Variants in GLIS3 observed in about 807,000 individuals in gnomAD.
The protein encoded by GLIS3 is GLIS family zinc finger 3, also known as zinc finger protein GLIS3.
GLIS3 carries 53 observed loss-of-function variants against 78.6 expected under a neutral mutation model. The ratio of observed to expected loss-of-function variants is 0.67; its 90% CI spans 0.54 to 0.85. The LOEUF (loss-of-function observed/expected upper bound fraction) is 0.85, where lower values mean the gene tolerates loss of function less well. Ranked by LOEUF, GLIS3 falls within the 40% of genes least tolerant of loss-of-function variation. The pLI, the probability that GLIS3 is intolerant of heterozygous loss-of-function variation, is 0.00. For missense variants in GLIS3, 1,703 were observed against 1,231.1 expected (o/e 1.38, Z -5.74); for synonymous variants, 684 against 509.9 (o/e 1.34, Z -4.60).
the GLIS3 span, among the ~76,000 whole-genome samples, chr9:4,481,874 G>C: frequency 6.6e-6 from 1 of 152,210 alleles, no homozygotes; most frequent in Admixed American, 6.5e-5. Flanking sequence ...TACCCGCAGG[G>C]TGTGACACTA....
chr9:4,455,083 C>T, the GLIS3 span, among the ~76,000 whole-genome samples: 16 of 152,138 alleles, frequency 1.1e-4, no homozygotes, highest in East Asian at 3.1e-3. Context: ...GAATTTAGCT[C>T]CAAGATAGTA....
the GLIS3 span, among the ~76,000 whole-genome samples, chr9:4,428,599 A>G: frequency 6.6e-6 from 1 of 152,224 alleles, no homozygotes; most frequent in East Asian, 1.9e-4. Flanking sequence ...AACATTCACC[A>G]ATGAAAATCA....
intron 4 of GLIS3, among the ~76,000 whole-genome samples, chr9:3,970,985 G>A (rs1348271959): frequency 5.3e-5 from 8 of 151,818 alleles, no homozygotes; most frequent in Non-Finnish European, 1.2e-4. Flanking sequence ...ATGGAATGGA[G>A]AAAGGGAGGG....
At chr9:4,293,989 T>C (rs946940850) in intron 1 of GLIS3, among the ~76,000 whole-genome samples, 5 of 152,212 alleles carry the variant, frequency 3.3e-5, no homozygotes, top group Admixed American at 2.6e-4. Context: ...TGGAACATGA[T>C]TGGATCTTTG....
At chr9:4,303,369 T>C (rs1314295160), upstream of GLIS3, among the ~76,000 whole-genome samples, 2 of 152,132 alleles carry the variant, frequency 1.3e-5, no homozygotes, top group African/African-American at 4.8e-5. Context: ...GAACTAAATG[T>C]GTAAAATGGA....
At chr9:4,168,860 T>C (rs1160492809) in intron 2 of GLIS3, among the ~76,000 whole-genome samples, 2 of 152,212 alleles carry the variant, frequency 1.3e-5, no homozygotes, top group Admixed American at 6.5e-5. Context: ...TTAGGCCTAA[T>C]TGTCGAAACA....
At chr9:3,960,586 T>G (rs1028039204) in intron 4 of GLIS3, among the ~76,000 whole-genome samples, 1 of 152,178 alleles carries the variant, frequency 6.6e-6, no homozygotes, top group African/African-American at 2.4e-5. Context: ...ACATAGTGGG[T>G]CCACAGTATG....
At chr9:4,013,507 A>C (rs1312071220) in intron 4 of GLIS3, among the ~76,000 whole-genome samples, 3 of 152,224 alleles carry the variant, frequency 2.0e-5, no homozygotes, top group African/African-American at 7.2e-5. Context: ...TAATATGAAT[A>C]AAAGACTAAT....
chr9:4,109,006 G>A (rs368682509), intron 4 of GLIS3, among the ~76,000 whole-genome samples: 3 of 152,158 alleles, frequency 2.0e-5, no homozygotes, highest in Admixed American at 1.3e-4. Flanking sequence ...GGTCTAGAGA[G>A]ACATGGGGTT....
At chr9:4,116,496 T>A (rs1831650378) in intron 4 of GLIS3, among the ~76,000 whole-genome samples, 1 of 152,216 alleles carries the variant, frequency 6.6e-6, no homozygotes, top group Non-Finnish European at 1.5e-5. Flanking sequence ...AGAAATGCAA[T>A]TCCATTCCAC....
At chr9:4,013,048 C>T (rs920667908) in intron 4 of GLIS3, among the ~76,000 whole-genome samples, 1 of 152,096 alleles carries the variant, frequency 6.6e-6, no homozygotes, top group Non-Finnish European at 1.5e-5. Flanking sequence ...GCTGGGATTA[C>T]AGGTGTCTCT....
the GLIS3 span, among the ~76,000 whole-genome samples, chr9:4,390,364 T>C: frequency 6.6e-5 from 10 of 151,934 alleles, no homozygotes; most frequent in Non-Finnish European, 1.5e-5. Flanking sequence ...ACGTACTTGA[T>C]AAAAGTCTTT....
At chr9:4,411,635 T>C in the GLIS3 span, among the ~76,000 whole-genome samples, 1 of 152,320 alleles carries the variant, frequency 6.6e-6, no homozygotes. Context: ...AGAAAATCCA[T>C]ATTTTTGATT....
At chr9:3,879,944 T>G (rs1821616992) in intron 7 of GLIS3, among the ~76,000 whole-genome samples, 1 of 152,054 alleles carries the variant, frequency 6.6e-6, no homozygotes, top group Non-Finnish European at 1.5e-5. Flanking sequence ...TCACAGGGGA[T>G]GAGAGTCAGG....
the GLIS3 span, among the ~76,000 whole-genome samples, chr9:4,482,168 G>T: frequency 1.3e-5 from 2 of 152,182 alleles, no homozygotes; most frequent in African/African-American, 2.4e-5. Context: ...GAGGCAGACA[G>T]AGAACTTTTC....
At chr9:4,139,724 G>A (rs1238645766) in intron 2 of GLIS3, among the ~76,000 whole-genome samples, 2 of 152,162 alleles carry the variant, frequency 1.3e-5, no homozygotes, top group Admixed American at 6.5e-5. Context: ...AGATCATCAG[G>A]CATTATAATT....
intron 4 of GLIS3, among the ~76,000 whole-genome samples, chr9:3,939,383 TAAG>T (rs1468257788): frequency 2.0e-5 from 3 of 152,230 alleles, no homozygotes; most frequent in African/African-American, 7.2e-5. Context: ...AAACTATATG[TAAG>T]AATACCATTT....
chr9:4,060,518 C>T (rs928407152), intron 4 of GLIS3, among the ~76,000 whole-genome samples: 1 of 152,156 alleles, frequency 6.6e-6, no homozygotes, highest in African/African-American at 2.4e-5. Context: ...GTCATGACAG[C>T]TCTGCCCTCA....
chr9:4,401,049 A>C, the GLIS3 span, among the ~76,000 whole-genome samples: 3 of 152,222 alleles, frequency 2.0e-5, no homozygotes, highest in South Asian at 6.2e-4. Flanking sequence ...AGTAAAGAGG[A>C]CTTTGTCTTG....
Sources: gnomAD v4.1 joint callset for allele counts (sites outside exome capture counted in the v4.1 genomes callset) on GRCh38, gnomAD v4.1.1 for gene constraint, MANE v1.5 for transcripts, NCBI Gene and HGNC (gene_info 2026-07-23, HGNC 2026-07-21) for gene names.